The following ATL3 variants were observed in gnomAD, a reference collection of about 807,000 sequenced individuals.
ATL3 encodes the protein atlastin-3.
ATL3 carries 49 observed loss-of-function variants against 69.5 expected under a neutral mutation model. The ratio of observed to expected loss-of-function variants is 0.71; its 90% confidence interval spans 0.56 to 0.89. The LOEUF (loss-of-function observed/expected upper bound fraction) is 0.89. Ranked by LOEUF, ATL3 falls within the 40% of genes least tolerant of loss-of-function variation. The pLI is 0.00. For missense variants in ATL3, 606 were observed against 645.7 expected, an observed-to-expected ratio of 0.94 and a Z score of 0.67; for synonymous variants, 214 against 224.1, an observed-to-expected ratio of 0.95 and a Z score of 0.40.
At chr11:63,640,750 A>G (rs11231543) in intron 8 of ATL3, among the ~76,000 whole-genome samples, 28,397 of 151,574 alleles carry the variant, frequency 0.19, 3,411 homozygotes, top group African/African-American at 0.34. Context: ...GATTACAGGC[A>G]CCTGCCACCA....
At chr11:63,655,379 G>A (rs540519429) in intron 3 of ATL3, among the ~76,000 whole-genome samples, 94 of 151,800 alleles carry the variant, frequency 6.2e-4, no homozygotes, top group Non-Finnish European at 7.5e-4. Context: ...TCGAACTCCT[G>A]ACCTCAGGTG....
chr11:63,636,755 A>G (rs1939531717), intron 8 of ATL3, among the ~76,000 whole-genome samples: 1 of 152,012 alleles, frequency 6.6e-6, no homozygotes, highest in Admixed American at 6.6e-5. Context: ...AAAAAAAAAA[A>G]AAGTGGGAGA....
chr11:63,634,185 T>TAAA (rs146288332), intron 10 of ATL3, among the ~76,000 whole-genome samples: 56 of 113,658 alleles, frequency 4.9e-4, no homozygotes, highest in African/African-American at 1.7e-3. Context: ...TGTTTCTATT[T>TAAA]AAAAAAAAAA....
At chr11:63,661,481 C>G (rs576860348) in intron 1 of ATL3, among the ~76,000 whole-genome samples, 2 of 152,132 alleles carry the variant, frequency 1.3e-5, no homozygotes, top group Non-Finnish European at 2.9e-5. Context: ...ACAGCATCCA[C>G]GCCTGTAATC....
Position 63,633,209 on chromosome 11 carries a change from C to T in ATL3, c.1036-112G>A, listed in dbSNP as rs539915917. 2.0e-5 allele frequency: 17 copies of T among 829,734 alleles called. No homozygotes were observed. In the East Asian group the frequency reaches 4.5e-4, roughly 22 times the overall value. 51.4% of individuals were successfully genotyped at this position (829,734 alleles called of 1,614,324 possible). ...CCATTCTTCCTTTTTTATTAACCTTCTATTTTTCTAGATTTCCATATAGTT... is the reference window on the plus strand; with the variant it reads ...CCATTCTTCCTTTTTTATTAACCTTTTATTTTTCTAGATTTCCATATAGTT... On this transcript the variant is annotated intron_variant, in intron 10 of 12. Coordinates refer to ENST00000398868, the MANE Select transcript of ATL3 (RefSeq NM_015459.5).
chr11:63,637,763 T>C (rs147125959), intron 8 of ATL3: 24 of 152,332 alleles, frequency 1.6e-4, no homozygotes, highest in African/African-American at 5.5e-4. Context: ...ATAAGAACTC[T>C]TTAATACTCC....
intron 5 of ATL3, among the ~76,000 whole-genome samples, chr11:63,650,991 C>T (rs1200983280): frequency 2.0e-5 from 3 of 152,136 alleles, no homozygotes; most frequent in Non-Finnish European, 4.4e-5. Context: ...AGAACTAATT[C>T]AAGGTAATCC....
At chr11:63,630,184 G>C (rs1225927960) in intron 12 of ATL3, among the ~76,000 whole-genome samples, 2 of 149,124 alleles carry the variant, frequency 1.3e-5, no homozygotes, top group African/African-American at 2.5e-5. Context: ...AGGCCGAGGT[G>C]GGTGGATCAC....
At chr11:63,661,623 C>T (rs1163226292) in intron 1 of ATL3, among the ~76,000 whole-genome samples, 3 of 152,016 alleles carry the variant, frequency 2.0e-5, no homozygotes, top group African/African-American at 7.2e-5. Flanking sequence ...GGCGTGCTGG[C>T]TCACCTGCGC....
chr11:63,634,853 T>C (rs1939463415), intron 10 of ATL3, among the ~76,000 whole-genome samples: 1 of 151,920 alleles, frequency 6.6e-6, no homozygotes, highest in South Asian at 2.1e-4. Flanking sequence ...CACATCCCTA[T>C]TTTTTTCTTT....
intron 1 of ATL3, chr11:63,670,403 G>A (rs1192322895): frequency 6.6e-6 from 1 of 152,124 alleles, no homozygotes; most frequent in Non-Finnish European, 1.5e-5. Context: ...CCATTGCTTC[G>A]TATTTGAATT....
chr11:63,644,367 A>T (rs954293644), intron 6 of ATL3, 106 bp from the exon 7 acceptor site: 47 of 596,514 alleles, frequency 7.9e-5, no homozygotes, highest in Non-Finnish European at 1.2e-4. Context: ...AAGGGGGTAA[A>T]GTAGAAGGAT....
chr11:63,632,278 G>T lies in ATL3; in HGVS notation c.1107+748C>A. 5 of 758,892 alleles carry T rather than the reference G, an allele frequency of 6.6e-6. No individual in the cohort carries two copies. In the Admixed American group the frequency reaches 8.6e-5, roughly 13 times the overall value. 47.0% of individuals were successfully genotyped at this position (758,892 alleles called of 1,614,324 possible). On this transcript the variant is annotated intron_variant, in intron 11 of 12. Coordinates refer to ENST00000398868, the MANE Select transcript of ATL3 (RefSeq NM_015459.5). ...ACTTGTTGGCTATGCTATTCAGTAT[G>T]GCTGTATAGCTCACTGTGCTTCTGA...
In ATL3 at chr11:63,628,332, A is replaced by C. The variant is rs1366792739; in HGVS notation, c.*987T>G. On this transcript the variant is annotated 3_prime_UTR_variant, in exon 13 of 13. Coordinates refer to ENST00000398868, the MANE Select transcript of ATL3 (RefSeq NM_015459.5). Reference sequence around the variant, plus strand: ...AGCTATAGGGACCAAAAAAAAAAAAAAAATAGAGCAAGTTGCAACAAAACT... The same window carrying C: ...AGCTATAGGGACCAAAAAAAAAAAACAAATAGAGCAAGTTGCAACAAAACT... 6.6e-6 allele frequency: 1 copy of C among 152,116 alleles called. No individual in the cohort carries two copies. Among genetic ancestry groups the C allele is most frequent in the East Asian group, 1.9e-4 (1 of 5,204 alleles). 9.4% of individuals were successfully genotyped at this position (152,116 alleles called of 1,614,324 possible). A position where few individuals can be genotyped will look rare whatever the true frequency, so the allele number is the denominator to read the frequency against.
chr11:63,632,553 T>C, intron 11 of ATL3: 1 of 855,920 alleles, frequency 1.2e-6, no homozygotes, highest in Non-Finnish European at 2.0e-6. Context: ...TCCCAGTGGG[T>C]CATGTTTGGT....
chr11:63,630,118 A>G (rs1161804995), intron 12 of ATL3, among the ~76,000 whole-genome samples: 1 of 152,046 alleles, frequency 6.6e-6, no homozygotes, highest in Non-Finnish European at 1.5e-5. Context: ...AGAGCATGTA[A>G]TTAGAAGTTG....
upstream of ATL3, chr11:63,671,649 G>A (rs1940791951): frequency 1.4e-6 from 2 of 1,401,492 alleles, no homozygotes; most frequent in Admixed American, 2.3e-5. Flanking sequence ...TTGGCGGGGC[G>A]CTGAGTGCTA....
intron 1 of ATL3, among the ~76,000 whole-genome samples, chr11:63,669,316 C>T (rs886234063): frequency 1.3e-5 from 2 of 151,944 alleles, no homozygotes; most frequent in Non-Finnish European, 2.9e-5. Flanking sequence ...AGGAGGATCA[C>T]CTGAGGTCAG....
In ATL3 at chr11:63,641,375, C is replaced by T. The variant is rs560374374; in HGVS notation, c.850+1982G>A. The stretch of plus-strand genomic sequence containing the variant: ...CCCCCTCCCCAACAAAATGCATGTC[C>T]ACCTGGAACTTCAGAAAATCTTATT... On this transcript the variant is annotated intron_variant, in intron 8 of 12. Transcript: ENST00000398868. Among the ~76,000 whole-genome samples the T allele has an allele frequency of 1.8e-4, 27 of 152,192 alleles. No individual in the cohort carries two copies. The South Asian group carries it at 5.6e-3, about 32-fold the overall frequency.
Sources: gnomAD v4.1 joint callset for allele counts (sites outside exome capture counted in the v4.1 genomes callset) on GRCh38, gnomAD v4.1.1 for gene constraint, MANE v1.5 for transcripts, NCBI Gene and HGNC (gene_info 2026-07-23, HGNC 2026-07-21) for gene names.